The following PUDP variants were observed in gnomAD, a reference collection of about 807,000 sequenced individuals.
The protein encoded by PUDP is pseudouridine-5'-phosphatase.
Under a neutral mutation model 9.4 loss-of-function variants are expected in PUDP, and 8 were observed. The ratio of observed to expected loss-of-function variants is 0.85; its 90% CI spans 0.50 to 1.53. The LOEUF (loss-of-function observed/expected upper bound fraction) is 1.53, where lower values mean the gene tolerates loss of function less well. Ranked by LOEUF, PUDP falls within the 40% of genes most tolerant of loss-of-function variation. The pLI, the probability that PUDP is intolerant of heterozygous loss-of-function variation, is 0.00. For missense variants in PUDP, 188 were observed against 189.7 expected (o/e 0.99, Z 0.05); for synonymous variants, 99 against 80.7 (o/e 1.23, Z -1.22).
At chrX:7,029,807 G>A (rs188848993) in intron 1 of PUDP, among the ~76,000 whole-genome samples, 11 of 111,860 alleles carry the variant, frequency 9.8e-5, no homozygotes, top group Non-Finnish European at 2.1e-4. Context: ...TTGGCTGGAG[G>A]GATGATGGAG....
intron 3 of PUDP, among the ~76,000 whole-genome samples, chrX:6,958,228 A>T (rs1423263822): frequency 9.0e-6 from 1 of 111,714 alleles, no homozygotes; most frequent in Non-Finnish European, 1.9e-5. Flanking sequence ...AAAGAGGCAA[A>T]GGTAGAGGAG....
At chrX:6,778,876 T>A (rs1414762148) in intron 3 of PUDP, among the ~76,000 whole-genome samples, 1 of 112,251 alleles carries the variant, frequency 8.9e-6, no homozygotes, top group Non-Finnish European at 1.9e-5. Context: ...TGCTGTAGCC[T>A]GAGAAAGACA....
chrX:6,985,105 A>T (rs1179501188), intron 1 of PUDP, among the ~76,000 whole-genome samples: 1 of 111,950 alleles, frequency 8.9e-6, no homozygotes, highest in African/African-American at 3.2e-5. Context: ...AATGAATGAG[A>T]TGCAGATGAA....
At chrX:6,889,908 T>G (rs1927488130) in intron 3 of PUDP, among the ~76,000 whole-genome samples, 1 of 111,096 alleles carries the variant, frequency 9.0e-6, no homozygotes, top group East Asian at 2.8e-4. Flanking sequence ...CTGGGGAGTG[T>G]GGGCAGACAG....
intron 1 of PUDP, among the ~76,000 whole-genome samples, chrX:6,995,837 G>T (rs1454437019): frequency 1.9e-5 from 2 of 107,869 alleles, no homozygotes; most frequent in East Asian, 5.9e-4. Context: ...TATAGCATCA[G>T]CCAAATATGA....
chrX:6,857,177 C>T (rs887226506), intron 3 of PUDP, among the ~76,000 whole-genome samples: 2 of 112,354 alleles, frequency 1.8e-5, no homozygotes, highest in South Asian at 7.3e-4. Context: ...GAGCATTTAC[C>T]CTGGAGCATG....
intron 3 of PUDP, among the ~76,000 whole-genome samples, chrX:6,807,262 G>A (rs1337549662): frequency 8.9e-6 from 1 of 112,088 alleles, no homozygotes; most frequent in Non-Finnish European, 1.9e-5. Flanking sequence ...CACAGGTGGA[G>A]TAATCCGATA....
intron 3 of PUDP, among the ~76,000 whole-genome samples, chrX:6,880,430 T>C (rs1927330114): frequency 8.9e-6 from 1 of 112,161 alleles, no homozygotes; most frequent in Admixed American, 9.5e-5. Context: ...AATGCCATTG[T>C]CCTATCATTG....
chrX:6,986,021 G>A (rs754969527), intron 1 of PUDP, among the ~76,000 whole-genome samples: 4 of 111,282 alleles, frequency 3.6e-5, no homozygotes, highest in African/African-American at 6.5e-5. Context: ...ACCTCTGGTC[G>A]TCTTCACTGC....
chrX:6,736,707 T>C (rs992875968), intron 3 of PUDP, among the ~76,000 whole-genome samples: 1 of 111,263 alleles, frequency 9.0e-6, no homozygotes, highest in East Asian at 2.8e-4. Flanking sequence ...TGCACCAACA[T>C]GGATGGAGCT....
At chrX:7,143,254 G>A (rs1303628058) in intron 1 of PUDP, among the ~76,000 whole-genome samples, 2 of 111,239 alleles carry the variant, frequency 1.8e-5, no homozygotes, top group African/African-American at 6.6e-5. Context: ...TATGTGTACT[G>A]GGAAACCAAA....
At chrX:7,101,222 T>C (rs1398298298) in intron 2 of PUDP, among the ~76,000 whole-genome samples, 2 of 111,059 alleles carry the variant, frequency 1.8e-5, no homozygotes, top group Non-Finnish European at 3.8e-5. Flanking sequence ...AAAGTTAAAA[T>C]AAGTATATGC....
chrX:6,863,091 G>T (rs1927027562), intron 3 of PUDP, among the ~76,000 whole-genome samples: 1 of 111,612 alleles, frequency 9.0e-6, no homozygotes, highest in Non-Finnish European at 1.9e-5. Context: ...CCTGGCCAGA[G>T]TGCAGTGGCA....
intron 3 of PUDP, among the ~76,000 whole-genome samples, chrX:6,771,097 C>T (rs192558436): frequency 4.2e-4 from 47 of 111,922 alleles, no homozygotes; most frequent in Admixed American, 6.7e-4. Context: ...AAGTTCATTC[C>T]TATCTGCCTT....
chrX:7,023,258 G>T (rs1174276230), intron 1 of PUDP, among the ~76,000 whole-genome samples: 5 of 111,702 alleles, frequency 4.5e-5, no homozygotes, highest in Non-Finnish European at 9.4e-5. Context: ...ATATTTGCAG[G>T]AATATAAAAA....
At chrX:7,069,572 G>A (rs1167320018) in intron 3 of PUDP, among the ~76,000 whole-genome samples, 1 of 110,684 alleles carries the variant, frequency 9.0e-6, no homozygotes, top group Non-Finnish European at 1.9e-5. Flanking sequence ...TTGGGGAGAA[G>A]CAGATGGGGC....
chrX:7,142,641 A>ATTTTTT (rs57612819), intron 1 of PUDP, among the ~76,000 whole-genome samples: 2 of 80,956 alleles, frequency 2.5e-5, no homozygotes. Context: ...GAGGACTCCA[A>ATTTTTT]TTTTTTTTTT....
intron 3 of PUDP, among the ~76,000 whole-genome samples, chrX:6,888,728 G>A (rs1159655388): frequency 8.9e-6 from 1 of 111,861 alleles, no homozygotes; most frequent in Non-Finnish European, 1.9e-5. Flanking sequence ...GAGGTATCAT[G>A]GTTGACAGTG....
intron 3 of PUDP, among the ~76,000 whole-genome samples, chrX:7,053,069 C>T (rs756693155): frequency 6.2e-5 from 7 of 112,134 alleles, no homozygotes; most frequent in Admixed American, 3.8e-4. Context: ...GAGATAGGCA[C>T]TTAAATGTCA....
Sources: gnomAD v4.1 joint callset for allele counts (sites outside exome capture counted in the v4.1 genomes callset) on GRCh38, gnomAD v4.1.1 for gene constraint, MANE v1.5 for transcripts, NCBI Gene and HGNC (gene_info 2026-07-23, HGNC 2026-07-21) for gene names.